Variants in MACROD2 observed in about 807,000 individuals in gnomAD.
MACROD2 encodes ADP-ribose glycohydrolase MACROD2.
A neutral mutation model predicts 70.4 loss-of-function variants in MACROD2; 36 were observed. The ratio of observed to expected loss-of-function variants is 0.51; its 90% CI spans 0.39 to 0.68. The LOEUF is 0.68. MACROD2 is among the 30% of genes least tolerant of loss of function. The probability of loss-of-function intolerance (pLI) is 0.00; values close to 1 mark genes in which losing one functional copy is unlikely to be tolerated. For missense variants in MACROD2, 496 were observed against 538.4 expected (o/e 0.92, Z 0.78); for synonymous variants, 172 against 178.8 (o/e 0.96, Z 0.30).
At chr20:15,101,404 A>C (rs900781577) in intron 5 of MACROD2, among the ~76,000 whole-genome samples, 1 of 151,976 alleles carries the variant, frequency 6.6e-6, no homozygotes, top group Non-Finnish European at 1.5e-5. Context: ...AATCCATGAA[A>C]GTTAACATGC....
chr20:15,760,343 G>C lies in MACROD2; in HGVS notation c.646-102402G>C, dbSNP rs114801339. On this transcript the variant is annotated intron_variant, in intron 8 of 17. Coordinates refer to ENST00000684519, the MANE Select transcript of MACROD2 (RefSeq NM_001351661.2). ...CAAGAGAGCCAGGTGGGCTTTACCA[G>C]ATGGGGCTGAAATTACAGGGAGTAG... is the stretch of plus-strand genomic sequence containing the variant. Among the ~76,000 whole-genome samples, 724 of 152,334 alleles carry C rather than the reference G, an allele frequency of 4.8e-3. 6 individuals are homozygous for C. The highest frequency in any genetic ancestry group is 0.016 in the African/African-American group (685 of 41,588).
At chr20:14,495,812 G>A (rs1245435459) in intron 4 of MACROD2, among the ~76,000 whole-genome samples, 2 of 151,952 alleles carry the variant, frequency 1.3e-5, no homozygotes, top group African/African-American at 4.8e-5. Flanking sequence ...TCCTCTAGAT[G>A]GTTGATTTTG....
chr20:15,244,575 C>T (rs1213098685), intron 6 of MACROD2, among the ~76,000 whole-genome samples: 1 of 152,114 alleles, frequency 6.6e-6, no homozygotes, highest in African/African-American at 2.4e-5. Context: ...AATAGGCAGA[C>T]ACTTCTTTCC....
intron 7 of MACROD2, among the ~76,000 whole-genome samples, chr20:15,498,456 A>G (rs1038365567): frequency 1.3e-5 from 2 of 152,170 alleles, no homozygotes; most frequent in Non-Finnish European, 2.9e-5. Context: ...AGATATCCTC[A>G]TAGACAAGCC....
chr20:14,428,906 A>G (rs2083964276), intron 3 of MACROD2, among the ~76,000 whole-genome samples: 1 of 152,192 alleles, frequency 6.6e-6, no homozygotes, highest in African/African-American at 2.4e-5. Context: ...CATAAATATT[A>G]TGCTTTTCGA....
At chr20:14,394,265 A>G (rs2083558561) in intron 3 of MACROD2, among the ~76,000 whole-genome samples, 1 of 152,276 alleles carries the variant, frequency 6.6e-6, no homozygotes, top group East Asian at 1.9e-4. Context: ...CTCTCCATAT[A>G]TTTAGATCTT....
chr20:14,252,379 T>C (rs1053696487), intron 3 of MACROD2, among the ~76,000 whole-genome samples: 2 of 152,074 alleles, frequency 1.3e-5, no homozygotes, highest in Non-Finnish European at 2.9e-5. Context: ...CACCTTTCCC[T>C]CATCTAGAGG....
chr20:14,658,750 A>G (rs1213005620), intron 4 of MACROD2, among the ~76,000 whole-genome samples: 3 of 152,094 alleles, frequency 2.0e-5, no homozygotes, highest in Admixed American at 1.3e-4. Context: ...AGTAGCTGGG[A>G]ATACAGGCAC....
At chr20:15,295,879 G>A (rs1822130607) in intron 6 of MACROD2, among the ~76,000 whole-genome samples, 1 of 152,152 alleles carries the variant, frequency 6.6e-6, no homozygotes, top group South Asian at 2.1e-4. Flanking sequence ...TCCTGCACCT[G>A]ACTTATCACG....
At chr20:14,609,243 A>G (rs568464872) in intron 4 of MACROD2, among the ~76,000 whole-genome samples, 1 of 130,296 alleles carries the variant, frequency 7.7e-6, no homozygotes, top group South Asian at 2.4e-4. Context: ...GCGTCATAAC[A>G]TTAGAAACAG....
intron 3 of MACROD2, among the ~76,000 whole-genome samples, chr20:14,484,992 G>A (rs1318002411): frequency 2.6e-5 from 4 of 151,932 alleles, no homozygotes; most frequent in Non-Finnish European, 2.9e-5. Flanking sequence ...TAATGTAGGA[G>A]TGGGGTTGCT....
chr20:15,130,083 T>G (rs950524624), intron 5 of MACROD2, among the ~76,000 whole-genome samples: 32 of 152,308 alleles, frequency 2.1e-4, no homozygotes, highest in Non-Finnish European at 4.1e-4. Context: ...GGACCCATAT[T>G]GTGTTTTAAA....
chr20:14,263,403 G>C (rs948855136), intron 3 of MACROD2, among the ~76,000 whole-genome samples: 7 of 152,164 alleles, frequency 4.6e-5, no homozygotes, highest in African/African-American at 1.7e-4. Flanking sequence ...ATGCCATCCT[G>C]TCTGTTACCC....
chr20:15,088,994 C>G (rs1249384713), intron 5 of MACROD2, among the ~76,000 whole-genome samples: 2 of 152,020 alleles, frequency 1.3e-5, no homozygotes, highest in Non-Finnish European at 2.9e-5. Context: ...TTCACCCAAG[C>G]TTTAAATAGT....
intron 15 of MACROD2, among the ~76,000 whole-genome samples, chr20:16,012,442 G>A (rs1286892707): frequency 6.6e-6 from 1 of 152,146 alleles, no homozygotes; most frequent in Non-Finnish European, 1.5e-5. Context: ...GACATTTTTG[G>A]GAAGGGAAGC....
At chr20:14,971,761 A>G (rs1289195071) in intron 5 of MACROD2, among the ~76,000 whole-genome samples, 4 of 152,042 alleles carry the variant, frequency 2.6e-5, no homozygotes, top group Admixed American at 2.6e-4. Flanking sequence ...GCGCATGGGG[A>G]AGCTGGCCAC....
At chr20:14,225,444 T>C (rs6042596) in intron 3 of MACROD2, among the ~76,000 whole-genome samples, 147,571 of 152,248 alleles carry the variant, frequency 0.97, 71,534 homozygotes, top group Admixed American at 0.99. Context: ...GTAGTTATTC[T>C]CTTTGAAAAA....
intron 3 of MACROD2, among the ~76,000 whole-genome samples, chr20:14,146,277 C>A (rs1281546993): frequency 3.3e-5 from 5 of 152,138 alleles, no homozygotes; most frequent in Admixed American, 3.3e-4. Context: ...CGAGGTGGCG[C>A]CACTGCACTC....
intron 8 of MACROD2, among the ~76,000 whole-genome samples, chr20:15,724,907 C>A (rs1458675075): frequency 6.6e-6 from 1 of 151,956 alleles, no homozygotes; most frequent in Non-Finnish European, 1.5e-5. Context: ...ACGGTGAAAC[C>A]CCATCTCTAC....
Sources: allele counts gnomAD v4.1 joint callset (sites outside exome capture counted in the v4.1 genomes callset), GRCh38; gene constraint gnomAD v4.1.1; transcripts MANE v1.5; gene names NCBI Gene and HGNC (gene_info 2026-07-23, HGNC 2026-07-21).